The following SORCS1 variants were observed in gnomAD, a reference collection of about 807,000 sequenced individuals.
The protein encoded by SORCS1 is sortilin related VPS10 domain containing receptor 1.
In SORCS1, 60 loss-of-function variants were observed where a neutral mutation model predicts 146.1. That is an observed-to-expected ratio of 0.41 (90% CI 0.33 to 0.51). The LOEUF is 0.51. SORCS1 is among the 20% of genes least tolerant of loss of function. The probability of loss-of-function intolerance (pLI) is 0.21; values close to 1 mark genes in which losing one functional copy is unlikely to be tolerated. For synonymous variants in SORCS1, 637 were observed against 584.0 expected, an observed-to-expected ratio of 1.09 and a Z score of -1.31; for missense variants, 1,352 against 1,487.6, an observed-to-expected ratio of 0.91 and a Z score of 1.50.
At chr10:106,947,872 C>A (rs1404694877) in intron 2 of SORCS1, among the ~76,000 whole-genome samples, 2 of 151,536 alleles carry the variant, frequency 1.3e-5, no homozygotes, top group African/African-American at 4.8e-5. Context: ...ACTAGAGCTA[C>A]AAACAGTACC....
chr10:107,029,765 T>C (rs1958566576), intron 1 of SORCS1, among the ~76,000 whole-genome samples: 3 of 152,202 alleles, frequency 2.0e-5, no homozygotes, highest in Non-Finnish European at 4.4e-5. Flanking sequence ...CATGTATATA[T>C]GCATACAAAC....
At chr10:107,174,357 C>T in the SORCS1 span, among the ~76,000 whole-genome samples, 1 of 152,090 alleles carries the variant, frequency 6.6e-6, no homozygotes, top group African/African-American at 2.4e-5. Context: ...AGGCGCCCGC[C>T]ACCATTCCCG....
At chr10:106,987,323 C>G (rs1352825397) in intron 1 of SORCS1, among the ~76,000 whole-genome samples, 1 of 152,194 alleles carries the variant, frequency 6.6e-6, no homozygotes, top group Non-Finnish European at 1.5e-5. Context: ...AAGTCTGTTT[C>G]CCCTGCAGTG....
At chr10:106,665,151 T>C (rs978199473) in intron 17 of SORCS1, among the ~76,000 whole-genome samples, 3 of 152,168 alleles carry the variant, frequency 2.0e-5, no homozygotes, top group African/African-American at 7.2e-5. Context: ...GTGTTTTCCT[T>C]CCTTGAAAAG....
chr10:106,779,223 G>T (rs1235369136), intron 3 of SORCS1, among the ~76,000 whole-genome samples: 4 of 152,134 alleles, frequency 2.6e-5, no homozygotes, highest in Non-Finnish European at 2.9e-5. Context: ...ATGGGAAATA[G>T]AAATTTCCCG....
At chr10:106,651,257 C>T (rs12248626) in intron 18 of SORCS1, among the ~76,000 whole-genome samples, 2,343 of 152,288 alleles carry the variant, frequency 0.015, 59 homozygotes, top group African/African-American at 0.054. Flanking sequence ...TTTCATCAAA[C>T]CTGACAAAGC....
intron 21 of SORCS1, 133 bp downstream of exon 21, chr10:106,618,015 CA>C: frequency 8.6e-7 from 1 of 1,159,256 alleles, no homozygotes; most frequent in South Asian, 1.5e-5. Context: ...AGACTCGCCT[CA>C]GCTCTTTCTC....
chr10:106,784,392 CAA>C (rs149140867), intron 3 of SORCS1, among the ~76,000 whole-genome samples: 30,889 of 102,072 alleles, frequency 0.3, 3,305 homozygotes, highest in Non-Finnish European at 0.35. Context: ...GAGACTCCGT[CAA>C]AAAAAAAAAA....
chr10:106,604,349 A>G (rs1235240156), intron 23 of SORCS1, among the ~76,000 whole-genome samples: 1 of 152,206 alleles, frequency 6.6e-6, no homozygotes, highest in Non-Finnish European at 1.5e-5. Context: ...ATTGAAAACT[A>G]TGGGTCTCCA....
intron 1 of SORCS1, among the ~76,000 whole-genome samples, chr10:107,028,789 ATC>A: frequency 6.6e-6 from 1 of 152,178 alleles, no homozygotes; most frequent in African/African-American, 2.4e-5. Context: ...GTCTCTCATT[ATC>A]TCTCTCCTTT....
intron 5 of SORCS1, among the ~76,000 whole-genome samples, chr10:106,737,048 T>TGTGTGCATGTGA (rs1554915873): frequency 1.5e-4 from 8 of 55,164 alleles, no homozygotes; most frequent in East Asian, 3.5e-4. Flanking sequence ...TGTGTGTGTG[T>TGTGTGCATGTGA]GTGTGCATGT....
chr10:106,980,837 G>C (rs1956220314), intron 1 of SORCS1, among the ~76,000 whole-genome samples: 1 of 152,184 alleles, frequency 6.6e-6, no homozygotes, highest in African/African-American at 2.4e-5. Context: ...AATGTCACAT[G>C]CTGTCAATAA....
chr10:106,890,502 C>T (rs74152262), intron 2 of SORCS1, among the ~76,000 whole-genome samples: 3,533 of 152,150 alleles, frequency 0.023, 127 homozygotes, highest in African/African-American at 0.08. Flanking sequence ...AAAATGTGAT[C>T]GCTAGCGATG....
intron 1 of SORCS1, among the ~76,000 whole-genome samples, chr10:107,112,833 A>C (rs1449464810): frequency 6.6e-6 from 1 of 152,208 alleles, no homozygotes; most frequent in African/African-American, 2.4e-5. Flanking sequence ...TATGCACTCA[A>C]CACTGACGCA....
At chr10:107,149,839 G>C (rs1168046709) in intron 1 of SORCS1, among the ~76,000 whole-genome samples, 1 of 152,202 alleles carries the variant, frequency 6.6e-6, no homozygotes, top group Non-Finnish European at 1.5e-5. Context: ...CTTGGTGATT[G>C]TGCTAACAAC....
Position 106,652,362 on chromosome 10 carries a change from G to A in SORCS1, c.2475+20C>T, listed in dbSNP as rs1414106975. On this transcript the variant is annotated intron_variant, in intron 18 of 25. Coordinates refer to ENST00000263054, the MANE Select transcript of SORCS1 (RefSeq NM_052918.5). ...ATCACTGGCCCTAGAAAGTAGGGGG[G>A]AGATAGGAATCAGTCCTACCTCTTC... 2 of 1,584,626 alleles carry A rather than the reference G, an allele frequency of 1.3e-6. No individual in the cohort carries two copies. Among genetic ancestry groups the A allele is most frequent in the Admixed American group, 1.7e-5 (1 of 58,478 alleles).
rs925932385 is a variant in SORCS1, at chr10:106,960,867, A to T, written c.559-4287T>A. ...GGGCAAGGGCTTCTTCTCCCACAGCACTGAGCCACATTTTCATAACCCGGG... is the reference window on the plus strand; with the variant it reads ...GGGCAAGGGCTTCTTCTCCCACAGCTCTGAGCCACATTTTCATAACCCGGG... On this transcript the variant is annotated intron_variant, in intron 1 of 25. Coordinates refer to ENST00000263054, the MANE Select transcript of SORCS1 (RefSeq NM_052918.5). This position sits in a 1 kb window ranked among gnomAD's most constrained non-coding sequence, Gnocchi z 4.4. Among the ~76,000 whole-genome samples, 2 of 152,096 alleles carry T rather than the reference A, an allele frequency of 1.3e-5. No individual in the cohort carries two copies. Among genetic ancestry groups the T allele is most frequent in the African/African-American group, 4.8e-5 (2 of 41,430 alleles).
At chr10:107,015,776 A>G (rs1957871946) in intron 1 of SORCS1, among the ~76,000 whole-genome samples, 1 of 152,232 alleles carries the variant, frequency 6.6e-6, no homozygotes, top group Non-Finnish European at 1.5e-5. Context: ...TATAATTTTG[A>G]ATAAAGGTGA....
intron 5 of SORCS1, among the ~76,000 whole-genome samples, chr10:106,741,393 G>A (rs978056483): frequency 6.6e-6 from 1 of 152,110 alleles, no homozygotes; most frequent in South Asian, 2.1e-4. Flanking sequence ...GAAGCCAGGA[G>A]GTGAAGACCA....
Sources: allele counts gnomAD v4.1 joint callset (sites outside exome capture counted in the v4.1 genomes callset), GRCh38; gene constraint gnomAD v4.1.1; non-coding constraint Gnocchi (gnomAD v3.1); transcripts MANE v1.5; gene names NCBI Gene and HGNC (gene_info 2026-07-23, HGNC 2026-07-21).